The following HHAT variants were observed in gnomAD, a reference collection of about 807,000 sequenced individuals.
The protein encoded by HHAT is hedgehog acyltransferase.
A neutral mutation model predicts 70.8 loss-of-function variants in HHAT; 47 were observed. That is an observed-to-expected ratio of 0.66 (90% confidence interval 0.53 to 0.85). HHAT has a LOEUF of 0.85. Ranked by LOEUF, HHAT falls within the 40% of genes least tolerant of loss-of-function variation. The pLI is 0.00. For synonymous variants in HHAT, 228 were observed against 247.6 expected, an observed-to-expected ratio of 0.92 and a Z score of 0.74; for missense variants, 609 against 604.8, an observed-to-expected ratio of 1.01 and a Z score of -0.07.
chr1:210,655,631 G>A (rs1676225800), intron 11 of HHAT, among the ~76,000 whole-genome samples: 1 of 152,152 alleles, frequency 6.6e-6, no homozygotes, highest in African/African-American at 2.4e-5. Context: ...CTCAGAGCAG[G>A]GTCTGTAAGG....
chr1:210,419,303 T>C (rs1479561551), intron 7 of HHAT, among the ~76,000 whole-genome samples: 3 of 152,218 alleles, frequency 2.0e-5, no homozygotes, highest in Non-Finnish European at 4.4e-5. Context: ...CTTTCCTGTG[T>C]GTCTGCCAGG....
chr1:210,495,265 C>T (rs1224221523), intron 8 of HHAT, among the ~76,000 whole-genome samples: 1 of 150,110 alleles, frequency 6.7e-6, no homozygotes, highest in Non-Finnish European at 1.5e-5. Context: ...ATATATTTTC[C>T]ATAAAGATTT....
rs147271053 is a variant in HHAT at position 210,612,886 on chromosome 1, C to T, written c.1246-10640C>T. Among the ~76,000 whole-genome samples, 1,246 of 152,158 alleles carry T rather than the reference C, an allele frequency of 8.2e-3. 18 individuals carry two copies. The highest frequency in any genetic ancestry group is 0.028 in the African/African-American group (1,156 of 41,536). On this transcript the variant is annotated intron_variant, in intron 10 of 11. Coordinates refer to ENST00000261458, the MANE Select transcript of HHAT (RefSeq NM_018194.6). ...GTTTTGATTTGCATTTCCTTTATGA[C>T]TTTTTTGTGCTTACTGGCCATTTGT...
intron 11 of HHAT, among the ~76,000 whole-genome samples, chr1:210,668,603 A>T (rs1403277245): frequency 6.6e-6 from 1 of 152,164 alleles, no homozygotes; most frequent in East Asian, 1.9e-4. Context: ...CTGTGAATCC[A>T]TTAAACCTCT....
chr1:210,667,076 CAA>C (rs199677873), intron 11 of HHAT, among the ~76,000 whole-genome samples: 2,766 of 115,136 alleles, frequency 0.024, 42 homozygotes, highest in Middle Eastern at 0.059. Flanking sequence ...CAAAACATCT[CAA>C]AAAAAAAAAA....
chr1:210,623,809 C>G, intron 11 of HHAT, 139 bp downstream of exon 11: 2 of 925,718 alleles, frequency 2.2e-6, no homozygotes, highest in Middle Eastern at 2.3e-4. Flanking sequence ...AAGTACCAGC[C>G]AGGAATAATT....
At chr1:210,329,329 G>C (rs1191539439) in intron 1 of HHAT, 2 of 1,213,442 alleles carry the variant, frequency 1.6e-6, no homozygotes, top group Middle Eastern at 3.2e-4. Flanking sequence ...GGGGATCTAG[G>C]CGCCGGGACA....
chr1:210,589,064 C>T (rs560006443), intron 10 of HHAT: 5 of 152,116 alleles, frequency 3.3e-5, no homozygotes, highest in East Asian at 1.9e-4. Flanking sequence ...CCTCTAACCC[C>T]GAAAAAAGTA....
intron 9 of HHAT, among the ~76,000 whole-genome samples, chr1:210,569,831 T>C (rs1655790372): frequency 6.6e-6 from 1 of 152,212 alleles, no homozygotes; most frequent in African/African-American, 2.4e-5. Context: ...TATTTCATTC[T>C]GCTTCAATTT....
intron 7 of HHAT, among the ~76,000 whole-genome samples, chr1:210,443,308 G>A (rs1461958008): frequency 6.6e-6 from 1 of 151,708 alleles, no homozygotes; most frequent in Non-Finnish European, 1.5e-5. Context: ...TTTTGGCTTA[G>A]GATTGACTTG....
At chr1:210,353,374 C>T (rs867901377) in intron 2 of HHAT, among the ~76,000 whole-genome samples, 5 of 150,234 alleles carry the variant, frequency 3.3e-5, no homozygotes, top group Admixed American at 6.6e-5. Context: ...ATGCAATATT[C>T]GGAATAAAAA....
chr1:210,328,321 AG>A (rs1227220190), upstream of HHAT: 3 of 152,346 alleles, frequency 2.0e-5, no homozygotes, highest in Admixed American at 6.5e-5. Flanking sequence ...GAGCATCTTC[AG>A]ATCTTCCACT....
At chr1:210,423,733 G>C (rs1434226786) in intron 7 of HHAT, among the ~76,000 whole-genome samples, 2 of 152,146 alleles carry the variant, frequency 1.3e-5, no homozygotes, top group African/African-American at 4.8e-5. Flanking sequence ...AGAGGTGGGG[G>C]TCTGGTTCCA....
intron 2 of HHAT, among the ~76,000 whole-genome samples, chr1:210,358,691 A>G (rs3765879): frequency 0.3 from 45,456 of 152,044 alleles, 9,585 homozygotes; most frequent in African/African-American, 0.6. Flanking sequence ...AGTTTTGCCA[A>G]TGTATAGAAA....
At chr1:210,469,835 A>G (rs538101719) in intron 8 of HHAT, among the ~76,000 whole-genome samples, 4 of 148,144 alleles carry the variant, frequency 2.7e-5, no homozygotes, top group Admixed American at 6.8e-5. Flanking sequence ...TACACAGCCA[A>G]TTTTTTTTTT....
intron 8 of HHAT, among the ~76,000 whole-genome samples, chr1:210,474,360 G>C (rs985493032): frequency 6.6e-6 from 1 of 152,118 alleles, no homozygotes; most frequent in Non-Finnish European, 1.5e-5. Context: ...GCGCCATCAC[G>C]GCTCACTGCA....
intron 9 of HHAT, among the ~76,000 whole-genome samples, chr1:210,527,274 T>C (rs2148623655): frequency 6.6e-6 from 1 of 150,976 alleles, no homozygotes; most frequent in Middle Eastern, 3.4e-3. Context: ...CAGCATGCTG[T>C]GTGGTCTCTC....
chr1:210,604,666 G>T (rs953568526), intron 10 of HHAT, among the ~76,000 whole-genome samples: 7 of 152,156 alleles, frequency 4.6e-5, no homozygotes, highest in Non-Finnish European at 1.0e-4. Context: ...GAGGTGAGCA[G>T]GACGGATTCA....
intron 10 of HHAT, among the ~76,000 whole-genome samples, chr1:210,592,526 G>A (rs1661963999): frequency 6.9e-6 from 1 of 144,920 alleles, no homozygotes; most frequent in African/African-American, 2.5e-5. Context: ...GTCTTTTGTG[G>A]TTCCATATAA....
Sources: gnomAD v4.1 joint callset for allele counts (sites outside exome capture counted in the v4.1 genomes callset) on GRCh38, gnomAD v4.1.1 for gene constraint, MANE v1.5 for transcripts, NCBI Gene and HGNC (gene_info 2026-07-23, HGNC 2026-07-21) for gene names.